Variants in GALNT13 observed in about 807,000 individuals in gnomAD.
The protein encoded by GALNT13 is polypeptide N-acetylgalactosaminyltransferase 13, also known as UDP-GalNAc:polypeptide N-acetylgalactosaminyltransferase 13.
Under a neutral mutation model 64.2 loss-of-function variants are expected in GALNT13, and 28 were observed. The ratio of observed to expected loss-of-function variants is 0.44; its 90% confidence interval spans 0.32 to 0.60. The LOEUF (loss-of-function observed/expected upper bound fraction) is 0.60, where lower values mean the gene tolerates loss of function less well. Among genes scored for constraint, GALNT13 ranks in the 20% least tolerant of loss-of-function variants. The pLI is 0.05. For missense variants in GALNT13, 577 were observed against 669.8 expected, an observed-to-expected ratio of 0.86 and a Z score of 1.53; for synonymous variants, 214 against 224.6, an observed-to-expected ratio of 0.95 and a Z score of 0.42.
At chr2:154,144,045 T>G (rs762628193) in intron 4 of GALNT13, among the ~76,000 whole-genome samples, 1 of 152,134 alleles carries the variant, frequency 6.6e-6, no homozygotes, top group Non-Finnish European at 1.5e-5. Context: ...CTGTATATAC[T>G]GTGGTTATTA....
At chr2:154,333,216 A>C (rs1264532463) in intron 9 of GALNT13, among the ~76,000 whole-genome samples, 1 of 152,078 alleles carries the variant, frequency 6.6e-6, no homozygotes, top group Non-Finnish European at 1.5e-5. Context: ...AAATAAATAC[A>C]AGAATTTTCA....
chr2:153,857,811 T>C, the GALNT13 span, among the ~76,000 whole-genome samples: 2 of 152,176 alleles, frequency 1.3e-5, no homozygotes, highest in Non-Finnish European at 2.9e-5. Context: ...CTGAGCAAAC[T>C]ATATAACTCT....
the GALNT13 span, among the ~76,000 whole-genome samples, chr2:153,648,948 A>C: frequency 6.6e-6 from 1 of 152,086 alleles, no homozygotes; most frequent in African/African-American, 2.4e-5. Context: ...TGTCTCTGCC[A>C]GGCTTTGGTA....
chr2:153,750,171 T>A, the GALNT13 span, among the ~76,000 whole-genome samples: 18 of 151,950 alleles, frequency 1.2e-4, no homozygotes, highest in African/African-American at 4.3e-4. Context: ...ATTACAGAAA[T>A]AATCCCCCTT....
At chr2:154,189,518 G>A (rs942138135) in intron 4 of GALNT13, among the ~76,000 whole-genome samples, 7 of 148,348 alleles carry the variant, frequency 4.7e-5, no homozygotes, top group Non-Finnish European at 7.4e-5. Context: ...GCAGCAACAA[G>A]GAAGAGAGTC....
chr2:153,783,278 A>G, the GALNT13 span, among the ~76,000 whole-genome samples: 1 of 152,194 alleles, frequency 6.6e-6, no homozygotes, highest in Non-Finnish European at 1.5e-5. Context: ...GGAGAGAGGA[A>G]CCATCAGGAA....
the GALNT13 span, among the ~76,000 whole-genome samples, chr2:153,188,761 A>T: frequency 2.6e-5 from 4 of 152,114 alleles, no homozygotes; most frequent in Admixed American, 2.6e-4. Context: ...TTCCAGTGCA[A>T]TATTTGTTTT....
the GALNT13 span, among the ~76,000 whole-genome samples, chr2:153,816,951 G>T: frequency 3.3e-5 from 5 of 152,170 alleles, no homozygotes; most frequent in Admixed American, 6.5e-5. Context: ...CCTTGGAATG[G>T]TATTGGGCCC....
the GALNT13 span, among the ~76,000 whole-genome samples, chr2:153,431,099 G>C: frequency 6.7e-6 from 1 of 150,226 alleles, no homozygotes; most frequent in East Asian, 2.0e-4. Flanking sequence ...GCAGTGAGCC[G>C]AGATTGTGCC....
chr2:153,942,953 C>T (rs1574167304), intron 2 of GALNT13, among the ~76,000 whole-genome samples: 1 of 152,240 alleles, frequency 6.6e-6, no homozygotes, highest in South Asian at 2.1e-4. Flanking sequence ...TTTCAAGTGT[C>T]TTTGTATTTA....
At chr2:153,667,810 A>C in the GALNT13 span, among the ~76,000 whole-genome samples, 1 of 152,298 alleles carries the variant, frequency 6.6e-6, no homozygotes, top group Non-Finnish European at 1.5e-5. Context: ...TAAATTCTCC[A>C]CTTTAAAAGA....
intron 9 of GALNT13, among the ~76,000 whole-genome samples, chr2:154,356,539 G>A (rs945813760): frequency 6.6e-6 from 1 of 151,940 alleles, no homozygotes; most frequent in African/African-American, 2.4e-5. Context: ...TATCTTGCAT[G>A]AGGTACTTTA....
intron 4 of GALNT13, among the ~76,000 whole-genome samples, chr2:154,189,012 C>T (rs997566604): frequency 9.2e-5 from 14 of 152,000 alleles, no homozygotes; most frequent in Admixed American, 7.9e-4. Flanking sequence ...CATAAAAAAA[C>T]GGGCTTAATA....
At chr2:153,920,022 A>G (rs918602792) in intron 2 of GALNT13, among the ~76,000 whole-genome samples, 7 of 147,052 alleles carry the variant, frequency 4.8e-5, no homozygotes, top group Non-Finnish European at 1.0e-4. Flanking sequence ...TATATATATT[A>G]TATATAGCTA....
In GALNT13 at chr2:154,246,880, G is replaced by A. The variant is rs1465712462; in HGVS notation, c.857+898G>A. 5.9e-5 allele frequency among the ~76,000 whole-genome samples: 9 copies of A among 152,074 alleles called. No individual in the cohort carries two copies. In the East Asian group the frequency reaches 9.7e-4, roughly 16 times the overall value. On this transcript the variant is annotated intron_variant, in intron 7 of 12. Coordinates refer to ENST00000392825, the MANE Select transcript of GALNT13 (RefSeq NM_052917.4). ...TATAATGGAAGGACATTGAACTAAAGGATGTTACTCGAGGACCTTTTGTTT... is the reference window on the plus strand; with the variant it reads ...TATAATGGAAGGACATTGAACTAAAAGATGTTACTCGAGGACCTTTTGTTT...
chr2:154,179,090 T>G (rs1290941451), intron 4 of GALNT13, among the ~76,000 whole-genome samples: 1 of 152,166 alleles, frequency 6.6e-6, no homozygotes, highest in Non-Finnish European at 1.5e-5. Flanking sequence ...AAACTCTCAC[T>G]TATCCTTCGT....
At chr2:154,311,201 A>T (rs115340942) in intron 9 of GALNT13, among the ~76,000 whole-genome samples, 9 of 152,144 alleles carry the variant, frequency 5.9e-5, no homozygotes, top group Non-Finnish European at 1.0e-4. Flanking sequence ...GTGTATAGAC[A>T]TATATGTACA....
At chr2:154,117,316 T>C (rs554009326) in intron 3 of GALNT13, among the ~76,000 whole-genome samples, 9 of 152,342 alleles carry the variant, frequency 5.9e-5, no homozygotes, top group African/African-American at 2.2e-4. Flanking sequence ...TGGTATTTGG[T>C]TACATGAATA....
chr2:153,828,927 C>G, the GALNT13 span, among the ~76,000 whole-genome samples: 1 of 152,182 alleles, frequency 6.6e-6, no homozygotes, highest in Non-Finnish European at 1.5e-5. Context: ...TCTCTTGAGT[C>G]TGAAATTCCA....
Sources: gnomAD v4.1 joint callset for allele counts (sites outside exome capture counted in the v4.1 genomes callset) on GRCh38, gnomAD v4.1.1 for gene constraint, MANE v1.5 for transcripts, NCBI Gene and HGNC (gene_info 2026-07-23, HGNC 2026-07-21) for gene names.